Variants in ASCC3 observed in about 807,000 individuals in gnomAD.
The protein encoded by ASCC3 is activating signal cointegrator 1 complex subunit 3, also known as ASC-1 complex subunit P200.
ASCC3 carries 158 observed loss-of-function variants against 256.3 expected under a neutral mutation model. The observed-to-expected ratio is 0.62, with a 90% CI of 0.54 to 0.70. The LOEUF is 0.70. Among genes scored for constraint, ASCC3 ranks in the 30% least tolerant of loss-of-function variants. ASCC3 has a pLI of 0.00. For missense variants in ASCC3, 2,259 were observed against 2,626.0 expected (o/e 0.86, Z 3.05); for synonymous variants, 948 against 883.4 (o/e 1.07, Z -1.30).
chr6:100,653,535 G>A (rs1034212064), intron 17 of ASCC3, among the ~76,000 whole-genome samples: 2 of 151,664 alleles, frequency 1.3e-5, no homozygotes, highest in Non-Finnish European at 2.9e-5. Flanking sequence ...CTACTCAGGC[G>A]GCTGAGGCAG....
chr6:100,848,441 A>G lies in ASCC3; in HGVS notation c.508T>C (p.Ser170Pro), dbSNP rs2114504309. Residue 170 changes from serine (S) to proline (P), a missense_variant, in exon 4 of 42, where the codon TCA becomes CCA. Transcript: ENST00000369162. Reference protein sequence around the residue: ...RVFFGKNLAFSFDMHDLDHFD... With the variant: ...RVFFGKNLAFPFDMHDLDHFD... ...TGGTCCAAATCATGCATGTCAAATG[A>G]AAATGCTAAATTTTTACCAAAAAAA... 6.2e-7 allele frequency: 1 copy of G among 1,611,522 alleles called. No individual in the cohort carries two copies. Among genetic ancestry groups the G allele is most frequent in the East Asian group, 2.2e-5 (1 of 44,842 alleles).
At chr6:100,511,712 C>CA (rs889353712) in intron 40 of ASCC3, among the ~76,000 whole-genome samples, 33 of 145,426 alleles carry the variant, frequency 2.3e-4, no homozygotes, top group Admixed American at 7.5e-4. Flanking sequence ...GACTTCGTAT[C>CA]AAAAAAAAAA....
intron 10 of ASCC3, among the ~76,000 whole-genome samples, chr6:100,731,670 T>C (rs1298672615): frequency 6.6e-6 from 1 of 152,232 alleles, no homozygotes; most frequent in Non-Finnish European, 1.5e-5. Context: ...GGGATATTCA[T>C]AGAGAACAGG....
chr6:100,678,685 C>A (rs949248254), intron 14 of ASCC3, among the ~76,000 whole-genome samples: 19 of 151,964 alleles, frequency 1.3e-4, no homozygotes, highest in African/African-American at 4.3e-4. Flanking sequence ...TCATTTTATG[C>A]CAACAGATTT....
At chr6:100,536,221 C>G (rs1775154723) in intron 37 of ASCC3, among the ~76,000 whole-genome samples, 1 of 151,866 alleles carries the variant, frequency 6.6e-6, no homozygotes, top group South Asian at 2.1e-4. Flanking sequence ...TCTTTATTAA[C>G]AATAGTGTTA....
chr6:100,833,520 C>CTTA (rs1771723021), intron 4 of ASCC3, among the ~76,000 whole-genome samples: 1 of 151,860 alleles, frequency 6.6e-6, no homozygotes, highest in Non-Finnish European at 1.5e-5. Flanking sequence ...AATGTACTAC[C>CTTA]CTAATACAAG....
intron 11 of ASCC3, among the ~76,000 whole-genome samples, chr6:100,722,941 C>G (rs930066894): frequency 1.3e-5 from 2 of 151,532 alleles, no homozygotes; most frequent in Non-Finnish European, 3.0e-5. Context: ...CAAGATATTA[C>G]TAAAATATTT....
intron 36 of ASCC3, among the ~76,000 whole-genome samples, chr6:100,588,985 G>C (rs1182189925): frequency 6.6e-6 from 1 of 151,794 alleles, no homozygotes; most frequent in Admixed American, 6.6e-5. Context: ...AAAGTTTTGT[G>C]GTAAATTATT....
At chr6:100,571,116 A>T (rs1323324901) in intron 36 of ASCC3, among the ~76,000 whole-genome samples, 2 of 152,122 alleles carry the variant, frequency 1.3e-5, no homozygotes, top group Non-Finnish European at 2.9e-5. Context: ...GCCCTAGATG[A>T]TGTCACCTCT....
intron 37 of ASCC3, among the ~76,000 whole-genome samples, chr6:100,533,565 CA>C (rs1323724580): frequency 2.0e-5 from 3 of 152,146 alleles, no homozygotes; most frequent in Admixed American, 6.5e-5. Context: ...AAAACTTTCC[CA>C]AACTAACTCA....
At chr6:100,850,393 T>G (rs572381869) in intron 3 of ASCC3, among the ~76,000 whole-genome samples, 107 of 152,268 alleles carry the variant, frequency 7.0e-4, no homozygotes, top group Non-Finnish European at 9.9e-4. Context: ...CTCAACTACC[T>G]CTTTCAAGAT....
At chr6:100,799,683 A>G in intron 6 of ASCC3, 111 bp from the exon 7 acceptor site, 1 of 1,154,502 alleles carries the variant, frequency 8.7e-7, no homozygotes, top group Non-Finnish European at 1.2e-6. Flanking sequence ...CACCATAAAA[A>G]AGAAATTAAA....
At chr6:100,722,859 G>A (rs1055500496) in intron 11 of ASCC3, among the ~76,000 whole-genome samples, 4 of 151,508 alleles carry the variant, frequency 2.6e-5, no homozygotes, top group Non-Finnish European at 4.4e-5. Flanking sequence ...TTTTTTTAAA[G>A]GCTGCAAAGC....
chr6:100,550,617 G>A (rs1769242469), intron 36 of ASCC3, among the ~76,000 whole-genome samples: 1 of 151,906 alleles, frequency 6.6e-6, no homozygotes, highest in East Asian at 1.9e-4. Context: ...GACTATACTC[G>A]ACCATGCTTG....
At chr6:100,732,180 A>AAG (rs1779935567) in intron 10 of ASCC3, among the ~76,000 whole-genome samples, 1 of 151,372 alleles carries the variant, frequency 6.6e-6, no homozygotes, top group East Asian at 1.9e-4. Flanking sequence ...AAAAAAAAAA[A>AAG]AAGAAGAAGA....
chr6:100,558,491 G>T (rs1769743377), intron 36 of ASCC3, among the ~76,000 whole-genome samples: 1 of 152,082 alleles, frequency 6.6e-6, no homozygotes. Flanking sequence ...TGCTGCTACA[G>T]AATTAATCAC....
rs576042640 is a variant in ASCC3 at position 100,719,976 on chromosome 6, C to T, written c.1903-1725G>A. Among the ~76,000 whole-genome samples the T allele has an allele frequency of 1.0e-3, 152 of 152,030 alleles. 1 individual carries two copies. Among genetic ancestry groups the T allele is most frequent in the African/African-American group, 3.4e-3 (143 of 41,532 alleles). ...TTATGAATTTAGTGCCTAATATCAT[C>T]ATGTAAGTTCAGAACCTGAACAAAA... On this transcript the variant is annotated intron_variant, in intron 11 of 41. Transcript: ENST00000369162.
chr6:100,781,479 G>T (rs1782446990), intron 8 of ASCC3, among the ~76,000 whole-genome samples: 1 of 151,864 alleles, frequency 6.6e-6, no homozygotes, highest in African/African-American at 2.4e-5. Flanking sequence ...CGCCTCCCGG[G>T]TTCAAGCGAT....
intron 36 of ASCC3, among the ~76,000 whole-genome samples, chr6:100,555,724 A>G (rs1430350124): frequency 6.6e-6 from 1 of 152,242 alleles, no homozygotes; most frequent in African/African-American, 2.4e-5. Flanking sequence ...CCTTTTAAGA[A>G]ATAAAAATCT....
Sources: allele counts gnomAD v4.1 joint callset (sites outside exome capture counted in the v4.1 genomes callset), GRCh38; gene constraint gnomAD v4.1.1; transcripts MANE v1.5; gene names NCBI Gene and HGNC (gene_info 2026-07-23, HGNC 2026-07-21).